ADAMTS5: variants seen among roughly 807,000 people sequenced by gnomAD.
ADAMTS5 encodes the protein A disintegrin and metalloproteinase with thrombospondin motifs 5.
A neutral mutation model predicts 81.4 loss-of-function variants in ADAMTS5; 54 were observed. The observed-to-expected ratio is 0.66, with a 90% CI of 0.53 to 0.83. The LOEUF (loss-of-function observed/expected upper bound fraction) is 0.83, where lower values mean the gene tolerates loss of function less well. Ranked by LOEUF, ADAMTS5 falls within the 40% of genes least tolerant of loss-of-function variation. The pLI, the probability that ADAMTS5 is intolerant of heterozygous loss-of-function variation, is 0.00. For missense variants in ADAMTS5, 1,194 were observed against 1,229.9 expected, an observed-to-expected ratio of 0.97 and a Z score of 0.44; for synonymous variants, 532 against 508.8, an observed-to-expected ratio of 1.05 and a Z score of -0.61.
intron 5 of ADAMTS5, 77 bp downstream of exon 5, chr21:26,932,784 G>A (rs112179986): frequency 2.7e-6 from 4 of 1,457,238 alleles, no homozygotes; most frequent in Non-Finnish European, 3.7e-6. Context: ...TATTTCCCCA[G>A]CTTCCCTTAT....
Position 26,920,803 on chromosome 21 carries a change from A to G in ADAMTS5, c.*3250T>C, listed in dbSNP as rs1986677784. On this transcript the variant is annotated 3_prime_UTR_variant, in exon 8 of 8. Coordinates refer to ENST00000284987, the MANE Select transcript of ADAMTS5 (RefSeq NM_007038.5). ...AGTGTTAATGTGATGTAAAAAACCT[A>G]TTATCATAGGCACAAGTAATGAACA... 1 of 152,126 alleles carries G rather than the reference A, an allele frequency of 6.6e-6. No homozygotes were observed. 9.4% of individuals were successfully genotyped at this position (152,126 alleles called of 1,614,324 possible).
chr21:26,924,674 A>G, intron 7 of ADAMTS5, 54 bp from the exon 8 acceptor site: 1 of 1,398,064 alleles, frequency 7.2e-7, no homozygotes, highest in Non-Finnish European at 9.8e-7. Flanking sequence ...AAAAAGGGAG[A>G]AAAAAATGAG....
intron 2 of ADAMTS5, among the ~76,000 whole-genome samples, chr21:26,946,568 TTTAAAATGAATGG>T (rs1221370156): frequency 6.6e-6 from 1 of 152,136 alleles, no homozygotes; most frequent in Non-Finnish European, 1.5e-5. Context: ...CACAGAGATG[TTTAAAATGAATGG>T]TGTGGTTTGG....
chr21:26,949,912 T>G, intron 2 of ADAMTS5, among the ~76,000 whole-genome samples: 1 of 152,198 alleles, frequency 6.6e-6, no homozygotes. Flanking sequence ...GTCTGTGGTG[T>G]TTCAAGAACC....
intron 3 of ADAMTS5, among the ~76,000 whole-genome samples, chr21:26,937,920 T>A (rs1444158949): frequency 6.6e-6 from 1 of 152,194 alleles, no homozygotes; most frequent in Admixed American, 6.5e-5. Flanking sequence ...GTTTTAACAT[T>A]GTATATTTAT....
chr21:26,942,345 G>A (rs758058453), intron 3 of ADAMTS5, among the ~76,000 whole-genome samples: 13 of 152,006 alleles, frequency 8.6e-5, no homozygotes, highest in Non-Finnish European at 1.9e-4. Flanking sequence ...GGAAAAAGAC[G>A]GTTGCCATAG....
intron 1 of ADAMTS5, among the ~76,000 whole-genome samples, chr21:26,963,754 T>C (rs1483229049): frequency 2.1e-5 from 3 of 139,706 alleles, no homozygotes; most frequent in Non-Finnish European, 4.6e-5. Context: ...AGGCTACAAA[T>C]GAATGTTCTA....
At chr21:26,944,012 C>A (rs1987166767) in intron 2 of ADAMTS5, among the ~76,000 whole-genome samples, 1 of 152,082 alleles carries the variant, frequency 6.6e-6, no homozygotes, top group African/African-American at 2.4e-5. Context: ...GTTGCAAACA[C>A]TTAGTAGATG....
chr21:26,964,964 A>T (rs1000236564), intron 1 of ADAMTS5, among the ~76,000 whole-genome samples: 1 of 152,118 alleles, frequency 6.6e-6, no homozygotes, highest in African/African-American at 2.4e-5. Context: ...CCTTTTCCCC[A>T]TTTAACTGTA....
chr21:26,932,900 T>A lies in ADAMTS5; in HGVS notation c.1834A>T (p.Ile612Phe). 1 of 1,613,740 alleles carries A rather than the reference T, an allele frequency of 6.2e-7. No homozygotes were observed. The highest frequency in any genetic ancestry group is 1.3e-5 in the African/African-American group (1 of 74,998). ...GGCATGAGACTGCAGGAGCGGTAGA[T>A]GGCCCTCTTCCCTGTGCAGTAGCGT... The part of the protein sequence containing the change: ...NGRYCTGKRA[I>F]YRSCSLMPCP... Residue 612 changes from isoleucine (I) to phenylalanine (F), a missense_variant, in exon 5 of 8, where the codon ATC (isoleucine) becomes TTC (phenylalanine). Coordinates refer to ENST00000284987, the MANE Select transcript of ADAMTS5 (RefSeq NM_007038.5).
intron 1 of ADAMTS5, among the ~76,000 whole-genome samples, chr21:26,957,436 A>C (rs1346951276): frequency 9.4e-6 from 1 of 106,626 alleles, no homozygotes; most frequent in Non-Finnish European, 2.0e-5. Flanking sequence ...GTCTATAGAT[A>C]GATGGATAGA....
intron 7 of ADAMTS5, among the ~76,000 whole-genome samples, chr21:26,927,956 G>A (rs1290619058): frequency 6.6e-6 from 1 of 152,096 alleles, no homozygotes; most frequent in Non-Finnish European, 1.5e-5. Context: ...TGCCTCCAAA[G>A]TTTTGGCCTC....
intron 7 of ADAMTS5, 50 bp from the exon 8 acceptor site, chr21:26,924,670 G>A (rs1302870715): frequency 1.2e-5 from 17 of 1,458,112 alleles, no homozygotes; most frequent in Middle Eastern, 1.8e-4. Flanking sequence ...TTAAAAAAAG[G>A]GAGAAAAAAA....
At chr21:26,938,635 T>C (rs1204345765) in intron 3 of ADAMTS5, among the ~76,000 whole-genome samples, 1 of 152,200 alleles carries the variant, frequency 6.6e-6, no homozygotes, top group Non-Finnish European at 1.5e-5. Context: ...ATTCAAGTGA[T>C]TTTCCTGCCT....
At chr21:26,945,967 G>T (rs1987207334) in intron 2 of ADAMTS5, among the ~76,000 whole-genome samples, 1 of 152,112 alleles carries the variant, frequency 6.6e-6, no homozygotes, top group African/African-American at 2.4e-5. Context: ...ACTCTTTTGA[G>T]GGCGAATGAA....
At chr21:26,954,449 A>C (rs1987379890) in intron 2 of ADAMTS5, among the ~76,000 whole-genome samples, 1 of 152,212 alleles carries the variant, frequency 6.6e-6, no homozygotes, top group African/African-American at 2.4e-5. Context: ...AATTTCATCC[A>C]GGGGTCATTT....
chr21:26,959,809 T>C (rs1568852817), intron 1 of ADAMTS5, among the ~76,000 whole-genome samples: 2 of 152,214 alleles, frequency 1.3e-5, no homozygotes, highest in African/African-American at 4.8e-5. Context: ...CCTCTATTTC[T>C]CATTTTTTTC....
intron 1 of ADAMTS5, among the ~76,000 whole-genome samples, chr21:26,956,181 T>C (rs1987423549): frequency 6.6e-6 from 1 of 152,224 alleles, no homozygotes; most frequent in Non-Finnish European, 1.5e-5. Flanking sequence ...CATACTCTTC[T>C]AACCCTTTGC....
At position 26,924,165 on chromosome 21, in the gene ADAMTS5, C is replaced by A. The variant is rs199588797; in HGVS notation, c.2681G>T (p.Gly894Val). 1 of 1,614,210 alleles carries A rather than the reference C, an allele frequency of 6.2e-7. No homozygotes were observed. The highest frequency in any genetic ancestry group is 1.7e-5 in the Admixed American group (1 of 60,028). The change falls in exon 8 of 8, where the codon GGT becomes GTT. Residue 894 changes from glycine (G) to valine (V), a missense_variant. By Grantham distance (109) the Gly-to-Val change is moderately radical. Coordinates refer to ENST00000284987, the MANE Select transcript of ADAMTS5 (RefSeq NM_007038.5). ...WLACSRTCDT[G>V]WHTRTVQCQD... ...GCACTGCACCGTTCTGGTGTGCCAA[C>A]CTGTGTCACAGGTCCTAGAGCAGGC... is the stretch of plus-strand genomic sequence containing the variant.
Sources: allele counts gnomAD v4.1 joint callset (sites outside exome capture counted in the v4.1 genomes callset), GRCh38; gene constraint gnomAD v4.1.1; transcripts MANE v1.5; gene names NCBI Gene and HGNC (gene_info 2026-07-23, HGNC 2026-07-21).